C3orf20: variants seen among roughly 807,000 people sequenced by gnomAD.
The protein encoded by C3orf20 is uncharacterized protein C3orf20.
C3orf20 carries 76 observed loss-of-function variants against 88.3 expected under a neutral mutation model. The ratio of observed to expected loss-of-function variants is 0.86; its 90% confidence interval spans 0.72 to 1.04. The LOEUF is 1.04. Among genes scored for constraint, C3orf20 ranks in the 50% least tolerant of loss-of-function variants. C3orf20 has a pLI of 0.00. For missense variants in C3orf20, 1,056 were observed against 1,123.3 expected (o/e 0.94, Z 0.86); for synonymous variants, 436 against 437.4 (o/e 1.00, Z 0.04).
chr3:14,743,542 A>G (rs2034975692), intron 12 of C3orf20, among the ~76,000 whole-genome samples: 1 of 152,004 alleles, frequency 6.6e-6, no homozygotes, highest in Non-Finnish European at 1.5e-5. Flanking sequence ...CTCTTCTCAC[A>G]GCTCCACTAG....
chr3:14,748,851 A>G (rs557533634), intron 12 of C3orf20, among the ~76,000 whole-genome samples: 2 of 152,054 alleles, frequency 1.3e-5, no homozygotes, highest in East Asian at 3.9e-4. Flanking sequence ...ATTTATTGAG[A>G]TTTGTTTTGT....
Position 14,772,685 on chromosome 3 carries a change from C to A in C3orf20, c.2631-106C>A, listed in dbSNP as rs183228806. 74 of 841,648 alleles carry A rather than the reference C, an allele frequency of 8.8e-5. 1 individual carries two copies. The Admixed American group carries it at 1.2e-3, about 13-fold the overall frequency. 52.1% of individuals were successfully genotyped at this position (841,648 alleles called of 1,614,324 possible). ...TTGGAACAGCACCCAACAGCCTCAC[C>A]TGTGCAAGGGAGAGGGCCTTGCCCC... On this transcript the variant is annotated intron_variant, in intron 16 of 16. Coordinates refer to ENST00000253697, the MANE Select transcript of C3orf20 (RefSeq NM_032137.5). The surrounding 1 kb of genome is among the most constrained non-coding windows in gnomAD (Gnocchi z 4.2).
In C3orf20 at chr3:14,768,479, C is replaced by T. The variant is rs1240645722; in HGVS notation, c.2496-3588C>T. On this transcript the variant is annotated intron_variant, in intron 15 of 16. Transcript: ENST00000253697. This position sits in a 1 kb window ranked among gnomAD's most constrained non-coding sequence, Gnocchi z 4.1. ...CGTAGGCTTTCCTGACTTGATCCTACAGGCAATGGGGAGCTAATGAAGGTT... is the reference window on the plus strand; with the variant it reads ...CGTAGGCTTTCCTGACTTGATCCTATAGGCAATGGGGAGCTAATGAAGGTT... 6.6e-6 allele frequency among the ~76,000 whole-genome samples: 1 copy of T among 152,058 alleles called. No individual in the cohort carries two copies. The highest frequency in any genetic ancestry group is 2.1e-4 in the South Asian group (1 of 4,792).
intron 9 of C3orf20, among the ~76,000 whole-genome samples, chr3:14,716,423 G>A (rs1309673344): frequency 6.6e-6 from 1 of 152,170 alleles, no homozygotes; most frequent in African/African-American, 2.4e-5. Flanking sequence ...ACAAGCACTT[G>A]GAATGCATGG....
chr3:14,691,107 TCTGTACCAAATG>T (rs1329945480), intron 5 of C3orf20, among the ~76,000 whole-genome samples: 1 of 152,256 alleles, frequency 6.6e-6, no homozygotes, highest in Non-Finnish European at 1.5e-5. Context: ...ACTGTCAGTC[TCTGTACCAAATG>T]CTGGGGATAC....
chr3:14,759,774 A>T (rs2035499449), intron 13 of C3orf20, 117 bp from the exon 14 acceptor site: 2 of 761,088 alleles, frequency 2.6e-6, no homozygotes, highest in Middle Eastern at 2.4e-4. Context: ...AGTTGGGGAG[A>T]GGGAGTTGTA....
chr3:14,704,597 A>C lies in C3orf20; in HGVS notation c.1139A>C (p.Tyr380Ser). ...GCCTTCAAGTTTCATTACACCTTCT[A>C]TGATGGCTCCTCCTTCGTTTAGTAT... ...KKAFKFHYTF[Y>S]DGSSFVYYPS... is the part of the protein sequence containing the mutation. Residue 380 changes from tyrosine (Y) to serine (S), a missense_variant, in exon 7 of 17, where the codon TAT (tyrosine) becomes TCT (serine). Tyr to Ser is a moderately radical substitution (Grantham distance 144, BLOSUM62 -2). Transcript: ENST00000253697. 1 of 1,613,948 alleles carries C rather than the reference A, an allele frequency of 6.2e-7. No homozygotes were observed. The highest frequency in any genetic ancestry group is 8.5e-7 in the Non-Finnish European group (1 of 1,180,038).
intron 9 of C3orf20, among the ~76,000 whole-genome samples, chr3:14,717,424 A>G (rs1480161233): frequency 3.3e-5 from 5 of 152,034 alleles, no homozygotes; most frequent in Non-Finnish European, 7.4e-5. Flanking sequence ...CATAGAGAGG[A>G]GGAGGAGGCA....
intron 12 of C3orf20, among the ~76,000 whole-genome samples, chr3:14,744,085 C>G (rs546120815): frequency 6.6e-6 from 1 of 152,054 alleles, no homozygotes; most frequent in Non-Finnish European, 1.5e-5. Flanking sequence ...CTTTTCTTTT[C>G]TATCACATAG....
intron 5 of C3orf20, among the ~76,000 whole-genome samples, chr3:14,699,633 A>G (rs1045973980): frequency 2.6e-5 from 4 of 152,230 alleles, no homozygotes; most frequent in Non-Finnish European, 4.4e-5. Flanking sequence ...AAGATGCAAA[A>G]CAAAGTCCTT....
chr3:14,771,934 G>A, intron 15 of C3orf20, 133 bp from the exon 16 acceptor site: 1 of 1,159,578 alleles, frequency 8.6e-7, no homozygotes, highest in Non-Finnish European at 1.2e-6. Context: ...AAGGAGGTCA[G>A]AGTCTCCCTT....
intron 5 of C3orf20, among the ~76,000 whole-genome samples, chr3:14,699,505 C>T (rs2033155231): frequency 6.6e-6 from 1 of 152,220 alleles, no homozygotes; most frequent in Non-Finnish European, 1.5e-5. Flanking sequence ...CCCTTCAAGG[C>T]AGTGGGTTCC....
intron 12 of C3orf20, among the ~76,000 whole-genome samples, chr3:14,740,690 T>C (rs575954788): frequency 6.6e-6 from 1 of 152,330 alleles, no homozygotes; most frequent in Admixed American, 6.5e-5. Flanking sequence ...GTATATTTCA[T>C]CTTTTTTTTT....
chr3:14,721,960 C>A (rs1274508707), intron 10 of C3orf20, 176 bp downstream of exon 10: 3 of 713,152 alleles, frequency 4.2e-6, no homozygotes, highest in Non-Finnish European at 6.9e-6. Flanking sequence ...TGTGAAACTT[C>A]TTATATCAAT....
chr3:14,743,801 G>A (rs2568850), intron 12 of C3orf20, among the ~76,000 whole-genome samples: 64,804 of 151,832 alleles, frequency 0.43, 15,842 homozygotes, highest in Non-Finnish European at 0.55. Context: ...TGAAGCCACA[G>A]CCCAAGCTAT....
intron 5 of C3orf20, among the ~76,000 whole-genome samples, chr3:14,692,026 A>T (rs1424814519): frequency 6.6e-6 from 1 of 152,178 alleles, no homozygotes; most frequent in African/African-American, 2.4e-5. Flanking sequence ...ATTTCACTTA[A>T]CATAATGATC....
intron 1 of C3orf20, among the ~76,000 whole-genome samples, chr3:14,679,935 T>C (rs919702648): frequency 6.6e-6 from 1 of 152,194 alleles, no homozygotes. Flanking sequence ...GAATTAGTCA[T>C]TAGGGAAATA....
chr3:14,770,510 T>C (rs1390088917), intron 15 of C3orf20, among the ~76,000 whole-genome samples: 1 of 152,150 alleles, frequency 6.6e-6, no homozygotes, highest in African/African-American at 2.4e-5. Context: ...CACTGTTTCT[T>C]GCTCTAGGCC....
rs1190218876 is a variant in C3orf20 at position 14,768,891 on chromosome 3, G to A, written c.2496-3176G>A. Among the ~76,000 whole-genome samples the A allele has an allele frequency of 3.9e-5, 6 of 152,058 alleles. No homozygotes were observed. Among genetic ancestry groups the A allele is most frequent in the African/African-American group, 1.2e-4 (5 of 41,350 alleles). On this transcript the variant is annotated intron_variant, in intron 15 of 16. Coordinates refer to ENST00000253697, the MANE Select transcript of C3orf20 (RefSeq NM_032137.5). This position sits in a 1 kb window ranked among gnomAD's most constrained non-coding sequence, Gnocchi z 4.1. Reference sequence around the variant, plus strand: ...GTCTTTTTTGCTTATCCCTGACCAAGGATGGTCTCAGAATCAACCTCTAGA... The same window carrying A: ...GTCTTTTTTGCTTATCCCTGACCAAAGATGGTCTCAGAATCAACCTCTAGA...
Sources: gnomAD v4.1 joint callset for allele counts (sites outside exome capture counted in the v4.1 genomes callset) on GRCh38, gnomAD v4.1.1 for gene constraint, Gnocchi (gnomAD v3.1) non-coding constraint, MANE v1.5 for transcripts, NCBI Gene and HGNC (gene_info 2026-07-23, HGNC 2026-07-21) for gene names.